The following KCNMB2 variants were observed in gnomAD, a reference collection of about 807,000 sequenced individuals.
The protein encoded by KCNMB2 is potassium calcium-activated channel subfamily M regulatory beta subunit 2, also known as calcium-activated potassium channel subunit beta-2.
A neutral mutation model predicts 24.5 loss-of-function variants in KCNMB2; 9 were observed. The observed-to-expected ratio is 0.37, with a 90% confidence interval of 0.22 to 0.64. The LOEUF (loss-of-function observed/expected upper bound fraction) is 0.64, where lower values mean the gene tolerates loss of function less well. KCNMB2 is among the 30% of genes least tolerant of loss of function. The pLI, the probability that KCNMB2 is intolerant of heterozygous loss-of-function variation, is 0.63. For missense variants in KCNMB2, 226 were observed against 284.3 expected, an observed-to-expected ratio of 0.79 and a Z score of 1.47; for synonymous variants, 109 against 104.4, an observed-to-expected ratio of 1.04 and a Z score of -0.27.
rs375289754 is a variant in KCNMB2 at position 178,698,978 on chromosome 3, C to T, written c.-67-108365C>T. Reference sequence around the variant, plus strand: ...TATCTGGCTCTTCAAGGTTTGGAGTCCACTGTGCTGGGAGGGCCAAGGTGC... The same window carrying T: ...TATCTGGCTCTTCAAGGTTTGGAGTTCACTGTGCTGGGAGGGCCAAGGTGC... On this transcript the variant is annotated intron_variant, in intron 1 of 4. Coordinates refer to ENST00000452583, the MANE Select transcript of KCNMB2 (RefSeq NM_181361.3). Among the ~76,000 whole-genome samples the T allele has an allele frequency of 1.7e-4, 26 of 152,320 alleles. 1 individual carries two copies. The East Asian group carries it at 2.5e-3, about 15-fold the overall frequency.
At chr3:178,557,298 G>A (rs1313952326) in intron 1 of KCNMB2, among the ~76,000 whole-genome samples, 1 of 152,160 alleles carries the variant, frequency 6.6e-6, no homozygotes, top group African/African-American at 2.4e-5. Context: ...ATTTTGGGAT[G>A]ACAAAGGCTC....
chr3:178,704,803 C>T (rs1722223217), intron 1 of KCNMB2, among the ~76,000 whole-genome samples: 1 of 152,110 alleles, frequency 6.6e-6, no homozygotes, highest in Admixed American at 6.5e-5. Context: ...CATGCTCATT[C>T]CCAGGCTATT....
chr3:178,730,411 C>CCA (rs71628069), intron 1 of KCNMB2, among the ~76,000 whole-genome samples: 17,454 of 142,732 alleles, frequency 0.12, 1,308 homozygotes, highest in Non-Finnish European at 0.16. Context: ...CAACACCCCC[C>CCA]CACACACACA....
intron 1 of KCNMB2, among the ~76,000 whole-genome samples, chr3:178,619,823 C>T (rs1006011392): frequency 2.6e-5 from 4 of 152,080 alleles, no homozygotes; most frequent in East Asian, 3.8e-4. Flanking sequence ...TTCTTGTGGG[C>T]AGAATAATCT....
intron 1 of KCNMB2, among the ~76,000 whole-genome samples, chr3:178,751,629 A>C (rs890339334): frequency 6.9e-6 from 1 of 145,280 alleles, no homozygotes; most frequent in Admixed American, 6.8e-5. Flanking sequence ...ACTACTGAGT[A>C]GATTATTTTA....
At chr3:178,560,469 A>G (rs1415522632) in intron 1 of KCNMB2, among the ~76,000 whole-genome samples, 3 of 152,246 alleles carry the variant, frequency 2.0e-5, no homozygotes, top group Admixed American at 1.3e-4. Context: ...GCTATTCCCA[A>G]CTTTATCCTT....
chr3:178,541,970 T>C (rs890698031), intron 1 of KCNMB2, among the ~76,000 whole-genome samples: 2 of 152,124 alleles, frequency 1.3e-5, no homozygotes, highest in Non-Finnish European at 2.9e-5. Flanking sequence ...ACCCACCCTG[T>C]CATTCTCTTT....
At chr3:178,603,818 G>T (rs1270910717) in intron 1 of KCNMB2, among the ~76,000 whole-genome samples, 1 of 152,152 alleles carries the variant, frequency 6.6e-6, no homozygotes, top group African/African-American at 2.4e-5. Flanking sequence ...TTCATTCTGT[G>T]TTCAGGGACA....
intron 1 of KCNMB2, among the ~76,000 whole-genome samples, chr3:178,690,054 C>A (rs912857957): frequency 4.6e-5 from 7 of 152,096 alleles, no homozygotes; most frequent in Admixed American, 3.9e-4. Flanking sequence ...TAATAAAAAT[C>A]TGTGTTTTTA....
chr3:178,781,912 G>A (rs1460630717), intron 1 of KCNMB2, among the ~76,000 whole-genome samples: 2 of 143,138 alleles, frequency 1.4e-5, no homozygotes, highest in East Asian at 2.0e-4. Context: ...CTAGCATTAG[G>A]TATATCTCCC....
chr3:178,822,414 T>A (rs558627669), intron 2 of KCNMB2, among the ~76,000 whole-genome samples: 18 of 152,228 alleles, frequency 1.2e-4, no homozygotes, highest in Non-Finnish European at 2.2e-4. Context: ...ACTCTGTGAA[T>A]TGCTCCATCA....
At position 178,843,947 on chromosome 3, in the gene KCNMB2, T is replaced by C. The variant is rs895215560; in HGVS notation, c.*1010T>C. 1 of 152,310 alleles carries C rather than the reference T, an allele frequency of 6.6e-6. No homozygotes were observed. The highest frequency in any genetic ancestry group is 1.5e-5 in the Non-Finnish European group (1 of 68,000). 9.4% of individuals were successfully genotyped at this position (152,310 alleles called of 1,614,324 possible). A position where few individuals can be genotyped will look rare whatever the true frequency, so the allele number is the denominator to read the frequency against. On this transcript the variant is annotated 3_prime_UTR_variant, in exon 5 of 5. Coordinates refer to ENST00000452583, the MANE Select transcript of KCNMB2 (RefSeq NM_181361.3). ...ATTCCCTATTGGGATTTTAAAGCTA[T>C]GTGCACAGAATATTAGTCTCTTCTA... is the stretch of plus-strand genomic sequence containing the variant.
intron 1 of KCNMB2, among the ~76,000 whole-genome samples, chr3:178,539,854 T>C (rs567818518): frequency 6.6e-6 from 1 of 152,208 alleles, no homozygotes; most frequent in African/African-American, 2.4e-5. Flanking sequence ...AACCTTTAAA[T>C]ATTGGAGTGT....
At chr3:178,730,042 A>G (rs76636875) in intron 1 of KCNMB2, among the ~76,000 whole-genome samples, 1,886 of 152,326 alleles carry the variant, frequency 0.012, 41 homozygotes, top group South Asian at 0.1. Context: ...AGAATCTTGC[A>G]TTGACAATTA....
chr3:178,810,619 T>C (rs1010636962), intron 2 of KCNMB2, among the ~76,000 whole-genome samples: 3 of 152,220 alleles, frequency 2.0e-5, no homozygotes, highest in Non-Finnish European at 2.9e-5. Flanking sequence ...ATCTTCTATA[T>C]ACAAAACATA....
At chr3:178,740,007 C>A (rs1272813648) in intron 1 of KCNMB2, among the ~76,000 whole-genome samples, 3 of 152,100 alleles carry the variant, frequency 2.0e-5, no homozygotes, top group Non-Finnish European at 4.4e-5. Flanking sequence ...ACAAATCTTC[C>A]TATTTTTCAA....
chr3:178,737,880 T>C (rs1357585338), intron 1 of KCNMB2, among the ~76,000 whole-genome samples: 1 of 152,202 alleles, frequency 6.6e-6, no homozygotes, highest in Non-Finnish European at 1.5e-5. Flanking sequence ...ACCCAAGATA[T>C]TCACTTTGAA....
intron 1 of KCNMB2, among the ~76,000 whole-genome samples, chr3:178,754,869 G>A (rs1473117516): frequency 6.6e-6 from 1 of 152,114 alleles, no homozygotes; most frequent in Non-Finnish European, 1.5e-5. Context: ...AGCACGTTTG[G>A]CCCTCATTCT....
chr3:178,544,486 C>A (rs1159740913), intron 1 of KCNMB2, among the ~76,000 whole-genome samples: 1 of 152,110 alleles, frequency 6.6e-6, no homozygotes, highest in Non-Finnish European at 1.5e-5. Flanking sequence ...GACAGATGAT[C>A]CTGGGTGAGA....
Sources: gnomAD v4.1 joint callset for allele counts (sites outside exome capture counted in the v4.1 genomes callset) on GRCh38, gnomAD v4.1.1 for gene constraint, MANE v1.5 for transcripts, NCBI Gene and HGNC (gene_info 2026-07-23, HGNC 2026-07-21) for gene names.